Variants in CUX1 observed in about 807,000 individuals in gnomAD.
CUX1 encodes protein CASP.
In CUX1, 31 loss-of-function variants were observed where a neutral mutation model predicts 158.8. That is an observed-to-expected ratio of 0.20 (90% CI 0.15 to 0.26). CUX1 has a LOEUF of 0.26. Among genes scored for constraint, CUX1 ranks in the 10% least tolerant of loss-of-function variants. The pLI, the probability that CUX1 is intolerant of heterozygous loss-of-function variation, is 1.00. For synonymous variants in CUX1, 879 were observed against 862.1 expected, an observed-to-expected ratio of 1.02 and a Z score of -0.34; for missense variants, 1,589 against 2,014.6, an observed-to-expected ratio of 0.79 and a Z score of 4.04.
chr7:102,169,610 G>A (rs1791490112), intron 9 of CUX1, among the ~76,000 whole-genome samples: 1 of 152,210 alleles, frequency 6.6e-6, no homozygotes, highest in African/African-American at 2.4e-5. Flanking sequence ...TTTTCCAGAC[G>A]GGTAGGCAGC....
In CUX1 at chr7:102,032,783, T is replaced by C. The variant is rs1329719097; in HGVS notation, c.189+4638T>C. ...CACACTGAAATTAGATATCGATTGATTGATTATGATACCTAATTTTGGGTG... is the reference window on the plus strand; with the variant it reads ...CACACTGAAATTAGATATCGATTGACTGATTATGATACCTAATTTTGGGTG... On this transcript the variant is annotated intron_variant, in intron 3 of 23. Coordinates refer to ENST00000292535, the MANE Select transcript of CUX1 (RefSeq NM_181552.4). Among the ~76,000 whole-genome samples, 3 of 152,208 alleles carry C rather than the reference T, an allele frequency of 2.0e-5. No homozygotes were observed. The East Asian group carries it at 5.8e-4, about 29-fold the overall frequency.
chr7:101,871,109 C>T (rs563083140), intron 1 of CUX1, among the ~76,000 whole-genome samples: 1 of 152,252 alleles, frequency 6.6e-6, no homozygotes, highest in East Asian at 1.9e-4. Context: ...CTGTTGCTCT[C>T]TGCACCCCTC....
intron 21 of CUX1, chr7:102,282,035 T>G: frequency 1.3e-6 from 1 of 769,738 alleles, no homozygotes; most frequent in Non-Finnish European, 2.3e-6. Context: ...AAGCTGCATC[T>G]CTAGCTTGCG....
chr7:101,971,919 T>TTC (rs1465062993), intron 2 of CUX1, among the ~76,000 whole-genome samples: 1 of 152,212 alleles, frequency 6.6e-6, no homozygotes, highest in Admixed American at 6.5e-5. Context: ...GTAGAGGAAC[T>TTC]TCTGTCTGGA....
intron 1 of CUX1, among the ~76,000 whole-genome samples, chr7:101,879,610 G>A (rs1799506751): frequency 6.7e-6 from 1 of 150,234 alleles, no homozygotes; most frequent in South Asian, 2.1e-4. Context: ...CCTGAGGCCA[G>A]CCAGCCAGTG....
chr7:102,221,699 G>A (rs1797817635), intron 20 of CUX1, among the ~76,000 whole-genome samples: 1 of 144,702 alleles, frequency 6.9e-6, no homozygotes, highest in Non-Finnish European at 1.5e-5. Flanking sequence ...TCTGTAGCTT[G>A]CTCACCAAGC....
At chr7:102,102,794 C>A (rs1011272894) in intron 5 of CUX1, among the ~76,000 whole-genome samples, 3 of 152,216 alleles carry the variant, frequency 2.0e-5, no homozygotes, top group Non-Finnish European at 4.4e-5. Flanking sequence ...CTCTTGGGGG[C>A]TGGGGCCACA....
chr7:101,838,443 T>G (rs1794867524), intron 1 of CUX1, among the ~76,000 whole-genome samples: 1 of 150,676 alleles, frequency 6.6e-6, no homozygotes, highest in Admixed American at 6.6e-5. Flanking sequence ...CTCACCACAA[T>G]TTTTGAGATC....
At chr7:102,185,276 A>G (rs535968017) in intron 11 of CUX1, among the ~76,000 whole-genome samples, 9 of 152,336 alleles carry the variant, frequency 5.9e-5, no homozygotes, top group Non-Finnish European at 1.3e-4. Context: ...ATGTGCCCAC[A>G]CTGTACTAAG....
At chr7:101,901,689 C>T (rs1009438647) in intron 1 of CUX1, among the ~76,000 whole-genome samples, 2 of 152,220 alleles carry the variant, frequency 1.3e-5, no homozygotes, top group East Asian at 1.9e-4. Context: ...GTATATGTCC[C>T]GGGCACACAC....
rs371370877 is a variant in CUX1 at position 102,201,668 on chromosome 7, G to A, written c.2371G>A (p.Ala791Thr). ...PPALKKEAQD[A>T]PGLDPQGAAD... ...GGCCCTCAAAAAGGAGGCCCAGGAC[G>A]CCCCCGGGCTGGACCCCCAGGGAGC... The change falls in exon 18 of 24, where the codon GCC becomes ACC. Residue 791 changes from alanine (A) to threonine (T), a missense_variant. Around this residue, in one of 8 missense-constraint regions of CUX1, gnomAD observed 337 missense variants for 409.3 expected, o/e 0.82. Transcript: ENST00000292535. The surrounding 1 kb of genome is among the most constrained non-coding windows in gnomAD (Gnocchi z 5.0). 56 of 1,612,826 alleles carry A rather than the reference G, an allele frequency of 3.5e-5. No homozygotes were observed. Among genetic ancestry groups the A allele is most frequent in the Admixed American group, 5.0e-5 (3 of 60,000 alleles).
chr7:101,950,579 A>G (rs1400930260), intron 2 of CUX1, among the ~76,000 whole-genome samples: 1 of 152,184 alleles, frequency 6.6e-6, no homozygotes, highest in African/African-American at 2.4e-5. Flanking sequence ...CTCCATAAAT[A>G]AAGTTTTATT....
intron 1 of CUX1, among the ~76,000 whole-genome samples, chr7:101,872,243 C>T (rs547212558): frequency 6.6e-6 from 1 of 152,230 alleles, no homozygotes; most frequent in South Asian, 2.1e-4. Flanking sequence ...AAGTGATTCT[C>T]ATGCTGCAGT....
At chr7:101,953,093 G>A (rs776290730) in intron 2 of CUX1, among the ~76,000 whole-genome samples, 3 of 152,322 alleles carry the variant, frequency 2.0e-5, no homozygotes, top group Non-Finnish European at 4.4e-5. Flanking sequence ...TGGGGAAGTC[G>A]AGTCAGCCCG....
chr7:102,252,751 G>A lies in CUX1; in HGVS notation c.*3709G>A, dbSNP rs1801650067. ...CTCCTCCCCAACCCCCGAGCTCCCT[G>A]GTAACCTCCTCTTGAACTTCTGTAT... On this transcript the variant is annotated 3_prime_UTR_variant, in exon 24 of 24. Coordinates refer to ENST00000292535, the MANE Select transcript of CUX1 (RefSeq NM_181552.4). 1.0e-6 allele frequency: 1 copy of A among 985,374 alleles called. No individual in the cohort carries two copies. The highest frequency in any genetic ancestry group is 1.7e-5 in the African/African-American group (1 of 57,218). 61.0% of individuals were successfully genotyped at this position (985,374 alleles called of 1,614,324 possible).
Position 102,173,599 on chromosome 7 carries a change from C to T in CUX1, c.828+3049C>T, listed in dbSNP as rs192057847. On this transcript the variant is annotated intron_variant, in intron 10 of 23. Transcript: ENST00000292535. Reference sequence around the variant, plus strand: ...AGCGGCTTCCCCTGGCCCCTGGGGTCCTGCTTCATTCTGCAAAGGAAGTCG... The same window carrying T: ...AGCGGCTTCCCCTGGCCCCTGGGGTTCTGCTTCATTCTGCAAAGGAAGTCG... 2.0e-3 allele frequency among the ~76,000 whole-genome samples: 307 copies of T among 152,256 alleles called. 1 individual carries two copies. Among genetic ancestry groups the T allele is most frequent in the African/African-American group, 7.0e-3 (292 of 41,546 alleles).
Position 101,976,841 on chromosome 7 carries a change from G to A in CUX1, c.142-51257G>A, listed in dbSNP as rs553102491. ...CTCCAACTTCCCGAGATTTAAATTT[G>A]ACTTTATTCCATTTAGTTGATATTG... On this transcript the variant is annotated intron_variant, in intron 2 of 23. Coordinates refer to ENST00000292535, the MANE Select transcript of CUX1 (RefSeq NM_181552.4). Among the ~76,000 whole-genome samples, 9 of 137,714 alleles carry A rather than the reference G, an allele frequency of 6.5e-5. No individual in the cohort carries two copies. The South Asian group carries it at 1.9e-3, about 29-fold the overall frequency. 90.3% of individuals were successfully genotyped at this position (137,714 alleles called of 152,430 possible). A position where few individuals can be genotyped will look rare whatever the true frequency, so the allele number is the denominator to read the frequency against.
intron 1 of CUX1, among the ~76,000 whole-genome samples, chr7:101,888,380 T>A (rs7803747): frequency 6.6e-5 from 10 of 152,006 alleles, no homozygotes; most frequent in South Asian, 2.1e-4. Context: ...TACCTGACAC[T>A]GTGCTTTATC....
At chr7:101,931,345 A>G (rs1806267749) in intron 2 of CUX1, among the ~76,000 whole-genome samples, 1 of 152,190 alleles carries the variant, frequency 6.6e-6, no homozygotes, top group African/African-American at 2.4e-5. Context: ...AGGGCTCAGT[A>G]ACTTCAGGGA....
Sources: gnomAD v4.1 joint callset for allele counts (sites outside exome capture counted in the v4.1 genomes callset) on GRCh38, gnomAD v4.1.1 for gene constraint, gnomAD v4.1.1 regional missense constraint, Gnocchi (gnomAD v3.1) non-coding constraint, MANE v1.5 for transcripts, NCBI Gene and HGNC (gene_info 2026-07-23, HGNC 2026-07-21) for gene names.